Variants in TBC1D14 observed in about 807,000 individuals in gnomAD.
The protein encoded by TBC1D14 is TBC1 domain family member 14, also known as TBC1 domain family, member 14.
A neutral mutation model predicts 79.0 loss-of-function variants in TBC1D14; 26 were observed. The ratio of observed to expected loss-of-function variants is 0.33; its 90% CI spans 0.24 to 0.46. The LOEUF (loss-of-function observed/expected upper bound fraction) is 0.46. Ranked by LOEUF, TBC1D14 falls within the 20% of genes least tolerant of loss-of-function variation. The pLI is 1.00. For missense variants in TBC1D14, 769 were observed against 887.6 expected (o/e 0.87, Z 1.70); for synonymous variants, 394 against 349.9 (o/e 1.13, Z -1.40).
At chr4:6,963,168 G>A (rs915376312) in intron 2 of TBC1D14, among the ~76,000 whole-genome samples, 3 of 152,250 alleles carry the variant, frequency 2.0e-5, no homozygotes, top group Admixed American at 6.5e-5. Flanking sequence ...GGGCAAGTGC[G>A]AGGACTTCCC....
At chr4:6,971,302 T>C (rs1359000046) in intron 3 of TBC1D14, among the ~76,000 whole-genome samples, 1 of 152,246 alleles carries the variant, frequency 6.6e-6, no homozygotes, top group Non-Finnish European at 1.5e-5. Context: ...TTGCCCAGGG[T>C]TGAACACAGT....
chr4:7,005,995 A>T (rs1293448528), intron 8 of TBC1D14, among the ~76,000 whole-genome samples: 1 of 152,204 alleles, frequency 6.6e-6, no homozygotes, highest in Non-Finnish European at 1.5e-5. Context: ...TCTTTGTGGT[A>T]TTAGAATTCT....
At chr4:6,926,669 TC>T (rs907474914) in intron 2 of TBC1D14, among the ~76,000 whole-genome samples, 1 of 152,220 alleles carries the variant, frequency 6.6e-6, no homozygotes, top group Non-Finnish European at 1.5e-5. Flanking sequence ...GAGAAGAGTT[TC>T]CATGTAGAGT....
chr4:6,985,005 T>C (rs1717695078), intron 3 of TBC1D14, among the ~76,000 whole-genome samples: 1 of 152,220 alleles, frequency 6.6e-6, no homozygotes. Context: ...AGCTTTTGAA[T>C]GCTTTTGCCC....
At chr4:7,009,829 C>G in intron 9 of TBC1D14, 48 bp from the exon 10 acceptor site, 1 of 1,591,674 alleles carries the variant, frequency 6.3e-7, no homozygotes, top group African/African-American at 1.3e-5. Flanking sequence ...CGTCTGAGCA[C>G]TAACAGTACT....
At chr4:6,983,258 C>T (rs1717539333) in intron 3 of TBC1D14, among the ~76,000 whole-genome samples, 1 of 152,104 alleles carries the variant, frequency 6.6e-6, no homozygotes, top group South Asian at 2.1e-4. Context: ...AGGCGTGAGC[C>T]ACCGTACCCG....
chr4:6,933,344 G>T (rs566397781), intron 2 of TBC1D14, among the ~76,000 whole-genome samples: 14 of 135,260 alleles, frequency 1.0e-4, no homozygotes, highest in African/African-American at 3.9e-4. Context: ...TCGCTTTGTC[G>T]CCCAGGCTGG....
At chr4:6,931,900 G>A (rs1285363682) in intron 2 of TBC1D14, among the ~76,000 whole-genome samples, 1 of 152,020 alleles carries the variant, frequency 6.6e-6, no homozygotes, top group Admixed American at 6.6e-5. Flanking sequence ...GGGTGCTGAT[G>A]GTAAACACAG....
intron 1 of TBC1D14, among the ~76,000 whole-genome samples, chr4:6,919,995 G>T (rs934604689): frequency 2.6e-5 from 4 of 151,756 alleles, no homozygotes; most frequent in African/African-American, 9.7e-5. Flanking sequence ...GCTTACTACT[G>T]TCTTGAACTC....
chr4:7,027,103 C>T (rs900602927), intron 13 of TBC1D14, among the ~76,000 whole-genome samples: 13 of 151,734 alleles, frequency 8.6e-5, no homozygotes, highest in South Asian at 2.1e-4. Context: ...CCCAGCTACT[C>T]GGGAGGCTGA....
At chr4:7,018,160 C>A (rs144669733) in intron 12 of TBC1D14, among the ~76,000 whole-genome samples, 1 of 152,180 alleles carries the variant, frequency 6.6e-6, no homozygotes, top group Non-Finnish European at 1.5e-5. Context: ...CCCAGAGACA[C>A]GTCCACACCC....
chr4:6,910,618 C>T (rs1577442311), intron 1 of TBC1D14: 1 of 152,266 alleles, frequency 6.6e-6, no homozygotes, highest in South Asian at 2.1e-4. Context: ...CCGGGGACTC[C>T]TGGTCTCCCT....
intron 3 of TBC1D14, among the ~76,000 whole-genome samples, chr4:6,975,972 A>T (rs1716681291): frequency 6.6e-6 from 1 of 152,210 alleles, no homozygotes; most frequent in African/African-American, 2.4e-5. Context: ...AGGTGCCTGT[A>T]ATCCCAGCTA....
At position 7,009,890 on chromosome 4, in the gene TBC1D14, A is replaced by G; in HGVS notation, c.1460A>G (p.His487Arg). The change falls in exon 10 of 14, where the codon CAT becomes CGT. Residue 487 changes from histidine to arginine, a missense_variant. This residue lies in a region of TBC1D14 where 367 missense variants were observed against 494.4 expected (regional missense o/e 0.74). Coordinates refer to ENST00000409757, the MANE Select transcript of TBC1D14 (RefSeq NM_020773.3). ...TGATCCTTTTAGGGTGGTCCATATC[A>G]TGACATGTTGCACAGTATTTTGGGC... ...LCIFQQGGPYHDMLHSILGAY... is the reference protein window; with the variant it reads ...LCIFQQGGPYRDMLHSILGAY... The G allele has an allele frequency of 1.2e-6, 2 of 1,614,222 alleles. No homozygotes were observed. The highest frequency in any genetic ancestry group is 1.7e-6 in the Non-Finnish European group (2 of 1,180,040).
intron 1 of TBC1D14, among the ~76,000 whole-genome samples, chr4:6,914,687 G>T (rs1027062298): frequency 1.3e-5 from 2 of 152,186 alleles, no homozygotes; most frequent in Non-Finnish European, 2.9e-5. Flanking sequence ...CAGCTAGCTG[G>T]TCATGTTCGT....
At position 7,007,725 on chromosome 4, in the gene TBC1D14, C is replaced by T. The variant is rs539974711; in HGVS notation, c.1446+999C>T. On this transcript the variant is annotated intron_variant, in intron 9 of 13. Coordinates refer to ENST00000409757, the MANE Select transcript of TBC1D14 (RefSeq NM_020773.3). ...CCTGCTTCTCCCACAGGGCAGATTT[C>T]AGCTTCTCTGCCCTTTTGCCCCAGT... 5.8e-5 allele frequency: 40 copies of T among 692,154 alleles called. No homozygotes were observed. In the African/African-American group the frequency reaches 7.5e-4, roughly 13 times the overall value. 42.9% of individuals were successfully genotyped at this position (692,154 alleles called of 1,614,324 possible).
Position 7,033,090 on chromosome 4 carries a change from A to C in TBC1D14, c.*2698A>C, listed in dbSNP as rs1367562384. ...GAATTGTAAATAGGTGGTTTTATTA[A>C]ATAAAAGTCAATGTAAAATTGTTAC... On this transcript the variant is annotated 3_prime_UTR_variant, in exon 14 of 14. Transcript: ENST00000409757. 5.9e-5 allele frequency: 9 copies of C among 152,680 alleles called. No individual in the cohort carries two copies. The highest frequency in any genetic ancestry group is 5.9e-5 in the Non-Finnish European group (4 of 68,046). The allele number at this position is 152,680 out of a possible 1,614,324, so 9.5% of individuals were successfully genotyped here.
chr4:6,987,149 C>G lies in TBC1D14; in HGVS notation c.844-7035C>G, dbSNP rs1008067231. On this transcript the variant is annotated intron_variant, in intron 3 of 13. Coordinates refer to ENST00000409757, the MANE Select transcript of TBC1D14 (RefSeq NM_020773.3). ...CTTGGGAGTCTCCAGCCAGGCCTGA[C>G]GCGCCGAGCCGGCAGCGCGGATCGC... 7 of 1,181,312 alleles carry G rather than the reference C, an allele frequency of 5.9e-6. No individual in the cohort carries two copies. In the East Asian group the frequency reaches 1.1e-4, roughly 19 times the overall value. The allele number at this position is 1,181,312 out of a possible 1,614,324, so 73.2% of individuals were successfully genotyped here.
intron 3 of TBC1D14, among the ~76,000 whole-genome samples, chr4:6,988,885 C>CTTTTTTTTTTT (rs34268749): frequency 5.2e-4 from 40 of 76,818 alleles, no homozygotes; most frequent in Admixed American, 7.4e-4. Flanking sequence ...TTCTTTCTTT[C>CTTTTTTTTTTT]TTTTTTTTTT....
Sources: allele counts gnomAD v4.1 joint callset (sites outside exome capture counted in the v4.1 genomes callset), GRCh38; gene constraint gnomAD v4.1.1; regional missense constraint gnomAD v4.1.1; transcripts MANE v1.5; gene names NCBI Gene and HGNC (gene_info 2026-07-23, HGNC 2026-07-21).